The following DOK5 variants were observed in gnomAD, a reference collection of about 807,000 sequenced individuals.
DOK5 encodes the protein downstream of tyrosine kinase 5.
DOK5 carries 27 observed loss-of-function variants against 43.3 expected under a neutral mutation model. The observed-to-expected ratio is 0.62, with a 90% confidence interval of 0.46 to 0.86. The LOEUF (loss-of-function observed/expected upper bound fraction) is 0.86, where lower values mean the gene tolerates loss of function less well. Ranked by LOEUF, DOK5 falls within the 40% of genes least tolerant of loss-of-function variation. The probability of loss-of-function intolerance (pLI) is 0.00; values close to 1 mark genes in which losing one functional copy is unlikely to be tolerated. For missense variants in DOK5, 373 were observed against 392.9 expected (o/e 0.95, Z 0.43); for synonymous variants, 146 against 140.1 (o/e 1.04, Z -0.30).
intron 1 of DOK5, among the ~76,000 whole-genome samples, chr20:54,477,714 T>C (rs1981490694): frequency 6.6e-6 from 1 of 151,922 alleles, no homozygotes; most frequent in Admixed American, 6.5e-5. Flanking sequence ...GGAATTGGTA[T>C]GAGACATCCA....
At position 54,650,448 on chromosome 20, in the gene DOK5, A is replaced by AG. The variant is rs771750294; in HGVS notation, c.891dup (p.Thr298AspfsTer8). ...AGCCCTCTGAAGCTTCATCGAACAG[A>AG]GACTTTTCCAGCCTACAGATCTGAG... On this transcript the variant is annotated frameshift_variant, in exon 8 of 8. Coordinates refer to ENST00000262593, the MANE Select transcript of DOK5 (RefSeq NM_018431.5). LOFTEE classifies it high-confidence loss of function. 1 of 1,614,092 alleles carries AG rather than the reference A, an allele frequency of 6.2e-7. No individual in the cohort carries two copies. The highest frequency in any genetic ancestry group is 1.3e-5 in the African/African-American group (1 of 75,066).
chr20:54,504,592 C>G (rs1227630865), intron 1 of DOK5, among the ~76,000 whole-genome samples: 2 of 152,212 alleles, frequency 1.3e-5, no homozygotes, highest in East Asian at 3.9e-4. Context: ...TTCTTCTTCT[C>G]TCTCAGTTGA....
chr20:54,503,169 A>G (rs1982676192), intron 1 of DOK5, among the ~76,000 whole-genome samples: 1 of 152,204 alleles, frequency 6.6e-6, no homozygotes, highest in African/African-American at 2.4e-5. Context: ...AAAGCAGGCT[A>G]ATTAATATAT....
chr20:54,595,559 G>A lies in DOK5; in HGVS notation c.599+3754G>A, dbSNP rs369910044. On this transcript the variant is annotated intron_variant, in intron 5 of 7. Transcript: ENST00000262593. ...CCCATGACTTTGATGACCCCTTTAT[G>A]GTCCATCCATTTGCTTATTTCATCC... 1.1e-3 allele frequency among the ~76,000 whole-genome samples: 161 copies of A among 152,162 alleles called. 1 individual carries two copies. Among genetic ancestry groups the A allele is most frequent in the African/African-American group, 3.7e-3 (154 of 41,526 alleles).
At chr20:54,557,059 C>G (rs1347336899) in intron 2 of DOK5, among the ~76,000 whole-genome samples, 3 of 152,214 alleles carry the variant, frequency 2.0e-5, no homozygotes, top group Non-Finnish European at 4.4e-5. Context: ...TATGGAGACT[C>G]TGAACACAGC....
chr20:54,497,648 G>A (rs1301947343), intron 1 of DOK5, among the ~76,000 whole-genome samples: 1 of 152,176 alleles, frequency 6.6e-6, no homozygotes, highest in African/African-American at 2.4e-5. Flanking sequence ...AGAAAAAAAG[G>A]AATTCTGGCA....
At chr20:54,497,883 A>G (rs6023298) in intron 1 of DOK5, among the ~76,000 whole-genome samples, 8 of 152,314 alleles carry the variant, frequency 5.3e-5, no homozygotes, top group African/African-American at 1.9e-4. Context: ...TACCTTTTGT[A>G]ATACAATGAA....
At position 54,650,507 on chromosome 20, in the gene DOK5, C is replaced by T; in HGVS notation, c.*28C>T. The T allele has an allele frequency of 6.2e-7, 1 of 1,605,524 alleles. No individual in the cohort carries two copies. The highest frequency in any genetic ancestry group is 8.5e-7 in the Non-Finnish European group (1 of 1,173,220). Reference sequence around the variant, plus strand: ...GTAACTGCCAAGAATTGTTAACACACTTGTGATGTGTCAGCCACAGATTCA... The same window carrying T: ...GTAACTGCCAAGAATTGTTAACACATTTGTGATGTGTCAGCCACAGATTCA... On this transcript the variant is annotated 3_prime_UTR_variant, in exon 8 of 8. Coordinates refer to ENST00000262593, the MANE Select transcript of DOK5 (RefSeq NM_018431.5).
chr20:54,597,801 T>C (rs1423670303), intron 5 of DOK5, among the ~76,000 whole-genome samples: 2 of 152,234 alleles, frequency 1.3e-5, no homozygotes, highest in Non-Finnish European at 2.9e-5. Flanking sequence ...GAGGTTAGCC[T>C]GGTTCTTAGT....
At chr20:54,623,300 T>C (rs1427983993) in intron 6 of DOK5, among the ~76,000 whole-genome samples, 2 of 152,108 alleles carry the variant, frequency 1.3e-5, no homozygotes, top group South Asian at 2.1e-4. Context: ...CAAATGTCAA[T>C]AGGGCCAAGG....
intron 1 of DOK5, among the ~76,000 whole-genome samples, chr20:54,526,903 T>G (rs1983595738): frequency 6.6e-6 from 1 of 152,194 alleles, no homozygotes; most frequent in South Asian, 2.1e-4. Context: ...GTAATATCTA[T>G]GAAACAATGA....
At chr20:54,524,279 G>A (rs1004418664) in intron 1 of DOK5, among the ~76,000 whole-genome samples, 1 of 152,148 alleles carries the variant, frequency 6.6e-6, no homozygotes, top group African/African-American at 2.4e-5. Flanking sequence ...GATCCAACTC[G>A]GGATGTTTCT....
intron 6 of DOK5, among the ~76,000 whole-genome samples, chr20:54,632,311 C>T (rs6098129): frequency 0.12 from 18,370 of 152,104 alleles, 1,800 homozygotes; most frequent in African/African-American, 0.27. Context: ...TCGTTGTTGC[C>T]TAAAAATATT....
chr20:54,600,621 A>T (rs1247290345), intron 5 of DOK5, among the ~76,000 whole-genome samples: 1 of 152,176 alleles, frequency 6.6e-6, no homozygotes, highest in Non-Finnish European at 1.5e-5. Context: ...TGCATGTGAC[A>T]TTACACATGG....
chr20:54,531,723 T>C (rs558415728), intron 1 of DOK5, among the ~76,000 whole-genome samples: 13 of 152,342 alleles, frequency 8.5e-5, no homozygotes, highest in African/African-American at 2.6e-4. Context: ...GAAAGATTTA[T>C]GTGAATGCCA....
chr20:54,598,749 CA>C (rs1986219205), intron 5 of DOK5, among the ~76,000 whole-genome samples: 1 of 152,090 alleles, frequency 6.6e-6, no homozygotes, highest in Admixed American at 6.5e-5. Context: ...TTAGGTATGC[CA>C]AAAATATGTG....
intron 4 of DOK5, among the ~76,000 whole-genome samples, chr20:54,589,925 G>A (rs1051528224): frequency 1.3e-5 from 2 of 152,108 alleles, no homozygotes; most frequent in Non-Finnish European, 2.9e-5. Context: ...CTACAGAGAG[G>A]TTAAGTCATT....
intron 5 of DOK5, among the ~76,000 whole-genome samples, chr20:54,598,033 T>C (rs77050373): frequency 0.021 from 3,242 of 152,250 alleles, 139 homozygotes; most frequent in African/African-American, 0.074. Context: ...TTGACTTGAC[T>C]TTTTGGAACC....
At chr20:54,521,279 C>A (rs141633145) in intron 1 of DOK5, among the ~76,000 whole-genome samples, 103 of 152,108 alleles carry the variant, frequency 6.8e-4, no homozygotes, top group African/African-American at 2.2e-3. Context: ...CAAGTTAATT[C>A]AATGCTGGTA....
Sources: gnomAD v4.1 joint callset for allele counts (sites outside exome capture counted in the v4.1 genomes callset) on GRCh38, gnomAD v4.1.1 for gene constraint, MANE v1.5 for transcripts, NCBI Gene and HGNC (gene_info 2026-07-23, HGNC 2026-07-21) for gene names.